NALF1: variants seen among roughly 807,000 people sequenced by gnomAD.
NALF1 encodes NALCN channel auxiliary factor 1.
A neutral mutation model predicts 48.4 loss-of-function variants in NALF1; 3 were observed. The observed-to-expected ratio is 0.06, with a 90% confidence interval of 0.03 to 0.16. NALF1 has a LOEUF of 0.16. Among genes scored for constraint, NALF1 ranks in the 10% least tolerant of loss-of-function variants. The pLI is 1.00. For missense variants in NALF1, 526 were observed against 571.5 expected, an observed-to-expected ratio of 0.92 and a Z score of 0.81; for synonymous variants, 262 against 245.7, an observed-to-expected ratio of 1.07 and a Z score of -0.62.
rs1878724552 is a variant in NALF1 at position 107,168,835 on chromosome 13, G to C, written c.*1662C>G. 6.6e-6 allele frequency: 1 copy of C among 152,546 alleles called. No homozygotes were observed. Among genetic ancestry groups the C allele is most frequent in the African/African-American group, 2.4e-5 (1 of 41,438 alleles). The allele number at this position is 152,546 out of a possible 1,614,324, so 9.4% of individuals were successfully genotyped here. A position where few individuals can be genotyped will look rare whatever the true frequency, so the allele number is the denominator to read the frequency against. ...CCCGGGGAAATTTCATAGCTATAAA[G>C]TTAATAACTAAATTTTGTTCACTAA... On this transcript the variant is annotated 3_prime_UTR_variant, in exon 3 of 3. Coordinates refer to ENST00000375915, the MANE Select transcript of NALF1 (RefSeq NM_001080396.3).
chr13:107,751,208 C>G (rs929332861), intron 1 of NALF1, among the ~76,000 whole-genome samples: 10 of 152,126 alleles, frequency 6.6e-5, no homozygotes, highest in Non-Finnish European at 1.2e-4. Context: ...GGTAAATTAT[C>G]GTAAGACTCA....
At chr13:107,218,681 G>C (rs997171473) in intron 1 of NALF1, among the ~76,000 whole-genome samples, 10 of 152,188 alleles carry the variant, frequency 6.6e-5, no homozygotes, top group African/African-American at 2.4e-4. Context: ...TTCATGAAGT[G>C]AACCTCTCCT....
At chr13:107,373,296 C>T (rs978106525) in intron 1 of NALF1, among the ~76,000 whole-genome samples, 1 of 152,180 alleles carries the variant, frequency 6.6e-6, no homozygotes, top group Non-Finnish European at 1.5e-5. Flanking sequence ...TGATAACCAG[C>T]TCAAAATTCT....
rs7994417 is a variant in NALF1 at position 107,510,911 on chromosome 13, T to A, written c.916-300156A>T. On this transcript the variant is annotated intron_variant, in intron 1 of 2. Coordinates refer to ENST00000375915, the MANE Select transcript of NALF1 (RefSeq NM_001080396.3). Reference sequence around the variant, plus strand: ...CACTCGAGTACCCTCTCCTTCTAAATAAGATTTATTAAGATTCTCCAGTTA... The same window carrying A: ...CACTCGAGTACCCTCTCCTTCTAAAAAAGATTTATTAAGATTCTCCAGTTA... 8.1e-3 allele frequency among the ~76,000 whole-genome samples: 1,235 copies of A among 152,252 alleles called. 21 individuals carry two copies. The highest frequency in any genetic ancestry group is 0.028 in the African/African-American group (1,179 of 41,550).
intron 1 of NALF1, among the ~76,000 whole-genome samples, chr13:107,794,267 GTC>G (rs1878340439): frequency 6.6e-6 from 1 of 152,080 alleles, no homozygotes; most frequent in African/African-American, 2.4e-5. Context: ...CCCTGGTTAC[GTC>G]TCTAACTTGA....
chr13:107,307,279 A>G (rs571323991), intron 1 of NALF1, among the ~76,000 whole-genome samples: 1 of 152,178 alleles, frequency 6.6e-6, no homozygotes, highest in Non-Finnish European at 1.5e-5. Flanking sequence ...GCATACCATT[A>G]AACAAGAACC....
intron 1 of NALF1, among the ~76,000 whole-genome samples, chr13:107,609,235 T>C (rs1044684159): frequency 3.3e-5 from 5 of 152,150 alleles, no homozygotes; most frequent in South Asian, 2.1e-4. Context: ...TCCTCCCCTC[T>C]CCCACACCAT....
chr13:107,635,944 A>G (rs1001649047), intron 1 of NALF1, among the ~76,000 whole-genome samples: 1 of 152,198 alleles, frequency 6.6e-6, no homozygotes, highest in African/African-American at 2.4e-5. Flanking sequence ...GATGTTTAGT[A>G]AGAAAAATCA....
At chr13:107,813,047 G>A (rs1392776308) in intron 1 of NALF1, among the ~76,000 whole-genome samples, 6 of 152,006 alleles carry the variant, frequency 3.9e-5, no homozygotes, top group Non-Finnish European at 8.8e-5. Flanking sequence ...TGAGCACCAC[G>A]CCTGGATAAC....
At chr13:107,727,982 G>A (rs769924464) in intron 1 of NALF1, among the ~76,000 whole-genome samples, 1 of 152,140 alleles carries the variant, frequency 6.6e-6, no homozygotes. Context: ...AAACCACAAT[G>A]AGATACCATC....
chr13:107,233,218 A>G (rs537147988), intron 1 of NALF1, among the ~76,000 whole-genome samples: 2 of 152,370 alleles, frequency 1.3e-5, no homozygotes, highest in South Asian at 4.1e-4. Flanking sequence ...CCAAGTCATA[A>G]TTTGAACACT....
At chr13:107,420,288 C>G (rs1044838674) in intron 1 of NALF1, among the ~76,000 whole-genome samples, 1 of 152,126 alleles carries the variant, frequency 6.6e-6, no homozygotes, top group African/African-American at 2.4e-5. Flanking sequence ...TAAAGCCAAA[C>G]TTTAGATGGT....
chr13:107,341,427 T>A (rs1182081982), intron 1 of NALF1, among the ~76,000 whole-genome samples: 1 of 152,014 alleles, frequency 6.6e-6, no homozygotes, highest in African/African-American at 2.4e-5. Flanking sequence ...GAGGGGAAGT[T>A]CTAGGCTAAG....
rs139040724 is a variant in NALF1, at chr13:107,500,252, C to T, written c.916-289497G>A. 1.7e-3 allele frequency among the ~76,000 whole-genome samples: 252 copies of T among 152,228 alleles called. 1 individual carries two copies. The highest frequency in any genetic ancestry group is 6.8e-3 in the Middle Eastern group (2 of 294). On this transcript the variant is annotated intron_variant, in intron 1 of 2. Transcript: ENST00000375915. ...TTGTGCTGCTACAACAGAATACTTG[C>T]GACTGGGTAACAAATAAAGAATAGA... is the stretch of plus-strand genomic sequence containing the variant.
chr13:107,447,763 C>T (rs887837005), intron 1 of NALF1, among the ~76,000 whole-genome samples: 1 of 152,146 alleles, frequency 6.6e-6, no homozygotes, highest in Non-Finnish European at 1.5e-5. Flanking sequence ...TCCTGCACGA[C>T]GCCAGACACC....
intron 1 of NALF1, among the ~76,000 whole-genome samples, chr13:107,403,188 C>CTTTTTT (rs10710356): frequency 4.7e-5 from 2 of 42,476 alleles, no homozygotes; most frequent in African/African-American, 8.6e-5. Context: ...CTTGTTCGGG[C>CTTTTTT]TTTTTTTTTT....
intron 1 of NALF1, among the ~76,000 whole-genome samples, chr13:107,782,937 C>A (rs562616789): frequency 0.12 from 17,559 of 146,842 alleles, 1,372 homozygotes; most frequent in Non-Finnish European, 0.16. Flanking sequence ...TCACCCCCCG[C>A]CCGGCCAGCC....
At chr13:107,403,189 T>C (rs1883839068) in intron 1 of NALF1, among the ~76,000 whole-genome samples, 1 of 9,580 alleles carries the variant, frequency 1.0e-4, no homozygotes, top group Admixed American at 1.8e-3. Context: ...TTGTTCGGGC[T>C]TTTTTTTTTT....
At chr13:107,570,894 G>A (rs1877969215) in intron 1 of NALF1, among the ~76,000 whole-genome samples, 1 of 151,852 alleles carries the variant, frequency 6.6e-6, no homozygotes, top group Non-Finnish European at 1.5e-5. Flanking sequence ...GAGAATGAAA[G>A]GCTCCTTCCA....
Sources: gnomAD v4.1 joint callset for allele counts (sites outside exome capture counted in the v4.1 genomes callset) on GRCh38, gnomAD v4.1.1 for gene constraint, MANE v1.5 for transcripts, NCBI Gene and HGNC (gene_info 2026-07-23, HGNC 2026-07-21) for gene names.